STX8: variants seen among roughly 807,000 people sequenced by gnomAD.
The protein encoded by STX8 is syntaxin 8.
A neutral mutation model predicts 37.5 loss-of-function variants in STX8; 23 were observed. The ratio of observed to expected loss-of-function variants is 0.61; its 90% confidence interval spans 0.44 to 0.87. The LOEUF is 0.87. STX8 is among the 40% of genes least tolerant of loss of function. The pLI, the probability that STX8 is intolerant of heterozygous loss-of-function variation, is 0.00. For missense variants in STX8, 313 were observed against 284.7 expected, an observed-to-expected ratio of 1.10 and a Z score of -0.71; for synonymous variants, 115 against 99.1, an observed-to-expected ratio of 1.16 and a Z score of -0.95.
intron 3 of STX8, among the ~76,000 whole-genome samples, chr17:9,548,067 A>G (rs1340808237): frequency 6.6e-6 from 1 of 151,802 alleles, no homozygotes; most frequent in Non-Finnish European, 1.5e-5. Flanking sequence ...GATTACAAGC[A>G]TGAGCCACTT....
intron 6 of STX8, among the ~76,000 whole-genome samples, chr17:9,457,495 C>G (rs1249198498): frequency 6.6e-6 from 1 of 152,204 alleles, no homozygotes; most frequent in Non-Finnish European, 1.5e-5. Flanking sequence ...TCAGAGAATC[C>G]AAAACTCTCT....
intron 7 of STX8, among the ~76,000 whole-genome samples, chr17:9,292,253 G>A (rs1908337712): frequency 6.6e-6 from 1 of 152,244 alleles, no homozygotes; most frequent in African/African-American, 2.4e-5. Context: ...TAAGGGTAGA[G>A]CAAAGGCATC....
At chr17:9,274,601 C>T (rs887846709) in intron 7 of STX8, among the ~76,000 whole-genome samples, 4 of 149,560 alleles carry the variant, frequency 2.7e-5, no homozygotes, top group East Asian at 2.0e-4. Flanking sequence ...GTGTGAACCC[C>T]GGAGGCAGAG....
At chr17:9,531,983 C>T (rs1045114794) in intron 4 of STX8, among the ~76,000 whole-genome samples, 4 of 152,158 alleles carry the variant, frequency 2.6e-5, no homozygotes, top group Non-Finnish European at 5.9e-5. Flanking sequence ...ATGGTAATGG[C>T]TGGATACCTT....
At chr17:9,272,098 C>T (rs1197872753) in intron 7 of STX8, among the ~76,000 whole-genome samples, 1 of 152,176 alleles carries the variant, frequency 6.6e-6, no homozygotes, top group Non-Finnish European at 1.5e-5. Flanking sequence ...ACGCCAATAT[C>T]CCTCAGCCTC....
chr17:9,570,759 G>C (rs977723268), intron 1 of STX8, among the ~76,000 whole-genome samples: 2 of 152,082 alleles, frequency 1.3e-5, no homozygotes, highest in Non-Finnish European at 2.9e-5. Context: ...GGTAAGTTTT[G>C]CCTCCTGCCA....
chr17:9,406,735 G>A (rs1165878513), intron 6 of STX8, among the ~76,000 whole-genome samples: 1 of 152,094 alleles, frequency 6.6e-6, no homozygotes, highest in East Asian at 1.9e-4. Flanking sequence ...AATTTTCAGT[G>A]TTTCTAGACT....
intron 4 of STX8, among the ~76,000 whole-genome samples, chr17:9,527,128 G>A (rs1239935842): frequency 6.5e-5 from 8 of 123,002 alleles, no homozygotes; most frequent in Non-Finnish European, 6.4e-5. Context: ...GCAGTGAGCC[G>A]AGATTGCGCC....
intron 7 of STX8, chr17:9,378,114 C>G (rs1911665381): frequency 6.3e-6 from 1 of 157,654 alleles, no homozygotes; most frequent in East Asian, 1.9e-4. Flanking sequence ...GCATATGAAT[C>G]CCCATTTTAC....
At chr17:9,523,427 C>G (rs1232534028) in intron 4 of STX8, among the ~76,000 whole-genome samples, 2 of 149,070 alleles carry the variant, frequency 1.3e-5, no homozygotes, top group African/African-American at 5.0e-5. Flanking sequence ...TAAAGAGAAA[C>G]AAATGCGCAA....
At chr17:9,294,908 TGCACAGAGGAAAGGCCACGTGA>T (rs1250323115) in intron 7 of STX8, among the ~76,000 whole-genome samples, 3 of 152,196 alleles carry the variant, frequency 2.0e-5, no homozygotes, top group Non-Finnish European at 4.4e-5. Context: ...ACTCTGAGCA[TGCACAGAGGAAAGGCCACGTGA>T]GCACAGAGCA....
intron 6 of STX8, among the ~76,000 whole-genome samples, chr17:9,406,530 T>C (rs1463149450): frequency 3.3e-5 from 5 of 152,230 alleles, no homozygotes; most frequent in Non-Finnish European, 7.3e-5. Flanking sequence ...CATGATTTAA[T>C]ACTGCATCTT....
intron 6 of STX8, among the ~76,000 whole-genome samples, chr17:9,459,007 A>G (rs923604328): frequency 2.0e-5 from 3 of 150,998 alleles, no homozygotes; most frequent in Admixed American, 2.0e-4. Context: ...TGCTTTTTGT[A>G]TTTTTTAGTA....
At chr17:9,488,800 AAGAGAGAG>A (rs201248571) in intron 6 of STX8, among the ~76,000 whole-genome samples, 92 of 140,902 alleles carry the variant, frequency 6.5e-4, no homozygotes, top group African/African-American at 2.4e-3. Flanking sequence ...TTAAGAGAGA[AAGAGAGAG>A]AGAGAGAGAG....
chr17:9,317,047 G>T (rs1392876828), intron 7 of STX8, among the ~76,000 whole-genome samples: 2 of 152,080 alleles, frequency 1.3e-5, no homozygotes, highest in African/African-American at 4.8e-5. Flanking sequence ...ATTTCTGTAT[G>T]ATATATTTGT....
intron 6 of STX8, among the ~76,000 whole-genome samples, chr17:9,404,718 G>A (rs1912747720): frequency 6.6e-6 from 1 of 152,184 alleles, no homozygotes; most frequent in Non-Finnish European, 1.5e-5. Context: ...CTCCCAAAGT[G>A]CTGGGATTAC....
chr17:9,547,642 A>AG lies in STX8; in HGVS notation c.213-2361_213-2360insC, dbSNP rs1555536290. Among the ~76,000 whole-genome samples, 21 of 115,852 alleles carry AG rather than the reference A, an allele frequency of 1.8e-4. No individual in the cohort carries two copies. The East Asian group carries it at 3.1e-3, about 17-fold the overall frequency. The allele number at this position is 115,852 out of a possible 152,430, so 76.0% of individuals were successfully genotyped here. A position where few individuals can be genotyped will look rare whatever the true frequency, so the allele number is the denominator to read the frequency against. On this transcript the variant is annotated intron_variant, in intron 3 of 7. Coordinates refer to ENST00000306357, the MANE Select transcript of STX8 (RefSeq NM_004853.3). ...GACTCCGTCTCAAAAAAAAAAAAGAAAAAAGAAAAGAAAAGAAAAGAAATA... is the reference window on the plus strand; with the variant it reads ...GACTCCGTCTCAAAAAAAAAAAAGAAGAAAAGAAAAGAAAAGAAAAGAAATA...
chr17:9,252,208 G>A (rs1906608234), intron 7 of STX8, among the ~76,000 whole-genome samples: 2 of 151,936 alleles, frequency 1.3e-5, no homozygotes, highest in South Asian at 2.1e-4. Context: ...ACTTTGGGAG[G>A]CCGAGGCGGG....
intron 6 of STX8, among the ~76,000 whole-genome samples, chr17:9,465,758 C>G (rs905337648): frequency 6.6e-6 from 1 of 152,036 alleles, no homozygotes; most frequent in African/African-American, 2.4e-5. Flanking sequence ...GGACTGAAGC[C>G]AGGGCAGCCA....
Sources: gnomAD v4.1 joint callset for allele counts (sites outside exome capture counted in the v4.1 genomes callset) on GRCh38, gnomAD v4.1.1 for gene constraint, MANE v1.5 for transcripts, NCBI Gene and HGNC (gene_info 2026-07-23, HGNC 2026-07-21) for gene names.